The following AGO2 variants were observed in gnomAD, a reference collection of about 807,000 sequenced individuals.
AGO2 encodes argonaute RISC catalytic component 2.
Under a neutral mutation model 102.3 loss-of-function variants are expected in AGO2, and 5 were observed. The ratio of observed to expected loss-of-function variants is 0.05; its 90% CI spans 0.03 to 0.10. The LOEUF is 0.10. Ranked by LOEUF, AGO2 falls within the 10% of genes least tolerant of loss-of-function variation. The pLI is 1.00. For missense variants in AGO2, 541 were observed against 1,183.7 expected, an observed-to-expected ratio of 0.46 and a Z score of 7.97; for synonymous variants, 449 against 473.1, an observed-to-expected ratio of 0.95 and a Z score of 0.66.
intron 1 of AGO2, among the ~76,000 whole-genome samples, chr8:140,595,071 AT>A (rs1290233353): frequency 6.6e-6 from 1 of 152,212 alleles, no homozygotes; most frequent in Non-Finnish European, 1.5e-5. Flanking sequence ...GGCTTTTAAA[AT>A]TACAAGCCTT....
chr8:140,585,333 C>A, intron 1 of AGO2, 22 bp from the exon 2 acceptor site: 1 of 1,609,618 alleles, frequency 6.2e-7, no homozygotes, highest in East Asian at 2.2e-5. Flanking sequence ...GAGAGAACAC[C>A]CATTAACGGG....
In AGO2 at chr8:140,569,780, C is replaced by T. The variant is rs546277618; in HGVS notation, c.336+3032G>A. ...AGCGTCTCCCGGGCCTGGGAGAACT[C>T]GTCTCTCTTTCCACACAGGGGCTGG... On this transcript the variant is annotated intron_variant, in intron 3 of 18. Coordinates refer to ENST00000220592, the MANE Select transcript of AGO2 (RefSeq NM_012154.5). 5.3e-4 allele frequency among the ~76,000 whole-genome samples: 80 copies of T among 152,266 alleles called. 1 individual carries two copies. The highest frequency in any genetic ancestry group is 1.9e-3 in the African/African-American group (78 of 41,558).
rs1047248726 is a variant in AGO2 at position 140,573,071 on chromosome 8, G to A, written c.216-139C>T. The A allele has an allele frequency of 4.1e-5, 41 of 1,011,656 alleles. No individual in the cohort carries two copies. The African/African-American group carries it at 4.5e-4, about 11-fold the overall frequency. The allele number at this position is 1,011,656 out of a possible 1,614,324, so 62.7% of individuals were successfully genotyped here. A position where few individuals can be genotyped will look rare whatever the true frequency, so the allele number is the denominator to read the frequency against. ...GTGGCCCAGGCTGGAGTGCAATGGCGTGATCTCAGCTCACTGCAACCTCTG... is the reference window on the plus strand; with the variant it reads ...GTGGCCCAGGCTGGAGTGCAATGGCATGATCTCAGCTCACTGCAACCTCTG... On this transcript the variant is annotated intron_variant, in intron 2 of 18. Transcript: ENST00000220592.
At chr8:140,551,956 TGGATGGATGGAGTTAGATGGA>T (rs1450652962) in intron 10 of AGO2, among the ~76,000 whole-genome samples, 5 of 151,920 alleles carry the variant, frequency 3.3e-5, no homozygotes, top group Non-Finnish European at 7.4e-5. Flanking sequence ...GATGAATGGA[TGGATGGATGGAGTTAGATGGA>T]GGATGGATGG....
In AGO2 at chr8:140,606,560, C is replaced by G. The variant is rs185392275; in HGVS notation, c.23-21249G>C. Among the ~76,000 whole-genome samples, 308 of 152,348 alleles carry G rather than the reference C, an allele frequency of 2.0e-3. 3 individuals carry two copies. Among genetic ancestry groups the G allele is most frequent in the African/African-American group, 7.0e-3 (293 of 41,564 alleles). ...TGCCTTCAGCACAATGTGAAAAGAA[C>G]AGCCAAACTAAGCCTATACATTCTG... On this transcript the variant is annotated intron_variant, in intron 1 of 18. Transcript: ENST00000220592.
At position 140,589,698 on chromosome 8, in the gene AGO2, T is replaced by C. The variant is rs1379067573; in HGVS notation, c.23-4387A>G. Among the ~76,000 whole-genome samples, 4 of 152,112 alleles carry C rather than the reference T, an allele frequency of 2.6e-5. No homozygotes were observed. The highest frequency in any genetic ancestry group is 4.4e-5 in the Non-Finnish European group (3 of 68,010). On this transcript the variant is annotated intron_variant, in intron 1 of 18. Coordinates refer to ENST00000220592, the MANE Select transcript of AGO2 (RefSeq NM_012154.5). The surrounding 1 kb of genome is among the most constrained non-coding windows in gnomAD (Gnocchi z 4.2). Reference sequence around the variant, plus strand: ...AGGGCTGCTAAACACTTCTGTGCCATACCCTGGGCCAAGCCAGGTGCAGAT... The same window carrying C: ...AGGGCTGCTAAACACTTCTGTGCCACACCCTGGGCCAAGCCAGGTGCAGAT...
At chr8:140,535,315 T>A in intron 17 of AGO2, 153 bp downstream of exon 17, 504 of 518,018 alleles carry the variant, frequency 9.7e-4, no homozygotes, top group East Asian at 1.4e-3. Context: ...CCCCAGCGCC[T>A]GGCACAGCCT....
intron 3 of AGO2, among the ~76,000 whole-genome samples, chr8:140,563,737 G>C (rs899355093): frequency 6.6e-6 from 1 of 152,122 alleles, no homozygotes; most frequent in African/African-American, 2.4e-5. Flanking sequence ...GTGCACCTGA[G>C]GTGCCCTCCC....
intron 17 of AGO2, 167 bp from the exon 18 acceptor site, chr8:140,532,782 G>A: frequency 1.5e-6 from 1 of 676,160 alleles, no homozygotes; most frequent in Admixed American, 2.7e-5. Context: ...AGATCACGCG[G>A]TCAGGAGTTC....
intron 1 of AGO2, chr8:140,593,226 C>A (rs1336761836): frequency 6.6e-6 from 1 of 152,188 alleles, no homozygotes; most frequent in Non-Finnish European, 1.5e-5. Flanking sequence ...TGGAGTCTCG[C>A]TGCCGCCCAG....
intron 1 of AGO2, among the ~76,000 whole-genome samples, chr8:140,630,195 T>C (rs10088596): frequency 0.69 from 105,048 of 152,142 alleles, 36,652 homozygotes; most frequent in Admixed American, 0.77. Flanking sequence ...CCTGTTCATC[T>C]TTAAGCTACA....
intron 5 of AGO2, 51 bp from the exon 6 acceptor site, chr8:140,559,580 G>C: frequency 6.2e-7 from 1 of 1,608,070 alleles, no homozygotes; most frequent in Non-Finnish European, 8.5e-7. Context: ...GGGGCTGCTG[G>C]ACGGGCCCAT....
intron 1 of AGO2, among the ~76,000 whole-genome samples, chr8:140,617,116 G>A (rs1300102271): frequency 6.6e-6 from 1 of 152,192 alleles, no homozygotes; most frequent in Admixed American, 6.5e-5. Context: ...CTGTAAGGAA[G>A]CACTCTGAAA....
At chr8:140,552,740 G>GCGCGCGCACACACACA (rs111262864) in intron 10 of AGO2, among the ~76,000 whole-genome samples, 4 of 130,976 alleles carry the variant, frequency 3.1e-5, no homozygotes, top group Admixed American at 7.1e-5. Flanking sequence ...GCGCGCGCGC[G>GCGCGCGCACACACACA]CACACACACA....
In AGO2 at chr8:140,585,304, T is replaced by C. The variant is rs747323247; in HGVS notation, c.30A>G (p.Ala10=). MYSGAGPAL[A]PPAPPPPIQG... Reference sequence around the variant, plus strand: ...GGATGGGGGGCGGCGGCGCAGGAGGTGCAAGTGCTGGAATGGCAGAGAGAA... The same window carrying C: ...GGATGGGGGGCGGCGGCGCAGGAGGCGCAAGTGCTGGAATGGCAGAGAGAA... The change falls in exon 2 of 19, where the codon GCA becomes GCG. Residue 10 remains alanine, a synonymous_variant. Coordinates refer to ENST00000220592, the MANE Select transcript of AGO2 (RefSeq NM_012154.5). 6.2e-7 allele frequency: 1 copy of C among 1,613,442 alleles called. No homozygotes were observed. Among genetic ancestry groups the C allele is most frequent in the Non-Finnish European group, 8.5e-7 (1 of 1,179,736 alleles).
chr8:140,637,870 C>G (rs2074420644), upstream of AGO2: 1 of 152,446 alleles, frequency 6.6e-6, no homozygotes, highest in African/African-American at 2.4e-5. Context: ...ACCTGCTTAA[C>G]TCATCTGACT....
chr8:140,597,465 G>GC (rs1564108147), intron 1 of AGO2, among the ~76,000 whole-genome samples: 19 of 79,330 alleles, frequency 2.4e-4, no homozygotes, highest in African/African-American at 9.3e-4. Context: ...GGGGCTGGGT[G>GC]GCCCCCCCAC....
At chr8:140,542,573 GA>G (rs199982320) in intron 14 of AGO2, among the ~76,000 whole-genome samples, 7,510 of 101,658 alleles carry the variant, frequency 0.074, 429 homozygotes, top group African/African-American at 0.18. Flanking sequence ...CTGAAAACTT[GA>G]AAAAAAAAAA....
intron 1 of AGO2, among the ~76,000 whole-genome samples, chr8:140,614,015 CAAAAAA>C (rs59000809): frequency 6.9e-5 from 4 of 57,648 alleles, no homozygotes; most frequent in East Asian, 5.3e-4. Context: ...GACCCTGTCT[CAAAAAA>C]AAAAAAAAAA....
Sources: gnomAD v4.1 joint callset for allele counts (sites outside exome capture counted in the v4.1 genomes callset) on GRCh38, gnomAD v4.1.1 for gene constraint, Gnocchi (gnomAD v3.1) non-coding constraint, MANE v1.5 for transcripts, NCBI Gene and HGNC (gene_info 2026-07-23, HGNC 2026-07-21) for gene names.